EPB41L4A: variants seen among roughly 807,000 people sequenced by gnomAD.
The protein encoded by EPB41L4A is erythrocyte membrane protein band 4.1 like 4A.
A neutral mutation model predicts 108.6 loss-of-function variants in EPB41L4A; 100 were observed. That is an observed-to-expected ratio of 0.92 (90% CI 0.78 to 1.09). EPB41L4A has a LOEUF of 1.09. EPB41L4A is among the 50% of genes least tolerant of loss of function. The probability of loss-of-function intolerance (pLI) is 0.00; values close to 1 mark genes in which losing one functional copy is unlikely to be tolerated. For synonymous variants in EPB41L4A, 319 were observed against 289.0 expected (o/e 1.10, Z -1.05); for missense variants, 1,030 against 842.7 (o/e 1.22, Z -2.75).
At chr5:112,253,797 G>A (rs865931861) in intron 9 of EPB41L4A, among the ~76,000 whole-genome samples, 2 of 152,126 alleles carry the variant, frequency 1.3e-5, no homozygotes, top group South Asian at 4.1e-4. Flanking sequence ...TATGTTCTTC[G>A]TAATATTTTA....
chr5:112,376,961 T>C (rs917362833), intron 1 of EPB41L4A, among the ~76,000 whole-genome samples: 2 of 152,044 alleles, frequency 1.3e-5, no homozygotes, highest in African/African-American at 4.8e-5. Context: ...CCCAGCACTT[T>C]GGGAGGCTGA....
rs1760135690 is a variant in EPB41L4A at position 112,164,864 on chromosome 5, G to C, written c.*126C>G. On this transcript the variant is annotated 3_prime_UTR_variant, in exon 23 of 23. Transcript: ENST00000261486. The stretch of plus-strand genomic sequence containing the variant: ...AAAAAAAAAAGAAGCAAAAGATAAT[G>C]TATTTTCTCATGCTGAAGAAATACT... The C allele has an allele frequency of 1.4e-6, 1 of 731,048 alleles. No homozygotes were observed. The highest frequency in any genetic ancestry group is 2.5e-5 in the South Asian group (1 of 39,866). 45.3% of individuals were successfully genotyped at this position (731,048 alleles called of 1,614,324 possible). A position where few individuals can be genotyped will look rare whatever the true frequency, so the allele number is the denominator to read the frequency against.
chr5:112,288,261 T>C (rs1278777135), intron 2 of EPB41L4A, among the ~76,000 whole-genome samples: 1 of 152,186 alleles, frequency 6.6e-6, no homozygotes, highest in African/African-American at 2.4e-5. Flanking sequence ...GAGCAATCTG[T>C]GGGTGCTGCC....
chr5:112,375,739 TG>T (rs1216696865), intron 1 of EPB41L4A, among the ~76,000 whole-genome samples: 1 of 152,122 alleles, frequency 6.6e-6, no homozygotes, highest in Non-Finnish European at 1.5e-5. Flanking sequence ...GTTTTGGTGG[TG>T]GGAGCTCATG....
intron 4 of EPB41L4A, among the ~76,000 whole-genome samples, chr5:112,268,721 T>C (rs1010487129): frequency 6.6e-6 from 1 of 151,388 alleles, no homozygotes; most frequent in Admixed American, 6.6e-5. Context: ...TACATGCATG[T>C]AGTCACCGCT....
chr5:112,225,153 C>A (rs1748363074), intron 12 of EPB41L4A, among the ~76,000 whole-genome samples: 1 of 152,232 alleles, frequency 6.6e-6, no homozygotes. Flanking sequence ...GAACTTGCTA[C>A]ACCTGCAAAT....
At chr5:112,275,503 G>A (rs536858279) in intron 3 of EPB41L4A, 99 bp from the exon 4 acceptor site, 40 of 1,313,428 alleles carry the variant, frequency 3.0e-5, no homozygotes, top group Middle Eastern at 5.6e-4. Context: ...CTCCAAGATT[G>A]TCTAAAGAAA....
intron 20 of EPB41L4A, 85 bp downstream of exon 20, chr5:112,170,216 T>A: frequency 7.5e-7 from 1 of 1,334,028 alleles, no homozygotes; most frequent in Non-Finnish European, 1.1e-6. Context: ...ATTAAAGCAC[T>A]GTCTGGAACA....
At chr5:112,231,813 AAAAGG>A (rs1261911325) in intron 12 of EPB41L4A, among the ~76,000 whole-genome samples, 7 of 148,390 alleles carry the variant, frequency 4.7e-5, no homozygotes, top group African/African-American at 1.7e-4. Flanking sequence ...AAAAAAAAAA[AAAAGG>A]ATCCACCTGC....
intron 19 of EPB41L4A, among the ~76,000 whole-genome samples, chr5:112,170,743 A>AGG (rs1396929624): frequency 6.6e-6 from 1 of 152,150 alleles, no homozygotes; most frequent in Non-Finnish European, 1.5e-5. Context: ...ACCCAAGGTG[A>AGG]GGAGGTGTCA....
rs145020974 is a variant in EPB41L4A at position 112,215,787 on chromosome 5, CA to C, written c.1088-5806del. On this transcript the variant is annotated intron_variant, in intron 12 of 22. Coordinates refer to ENST00000261486, the MANE Select transcript of EPB41L4A (RefSeq NM_022140.5). ...CAAAAAAAAAAAAAAACAAAAAAAA[CA>C]AAAAAAAAACAGACAAAGCTTAATT... Among the ~76,000 whole-genome samples, 15 of 128,812 alleles carry C rather than the reference CA, an allele frequency of 1.2e-4. 1 individual carries two copies. Among genetic ancestry groups the C allele is most frequent in the East Asian group, 7.1e-4 (3 of 4,214 alleles). The allele number at this position is 128,812 out of a possible 152,430, so 84.5% of individuals were successfully genotyped here.
At chr5:112,194,337 C>T (rs1450749592) in intron 17 of EPB41L4A, among the ~76,000 whole-genome samples, 1 of 152,120 alleles carries the variant, frequency 6.6e-6, no homozygotes, top group Non-Finnish European at 1.5e-5. Flanking sequence ...AACACACACA[C>T]ACACACACAA....
rs897487122 is a variant in EPB41L4A, at chr5:112,163,852, G to A, written c.*1138C>T. ...GAGAATAATTGAATACATTAATATAGGAGGACAGACAAAGATCCTGAAAAG... is the reference window on the plus strand; with the variant it reads ...GAGAATAATTGAATACATTAATATAAGAGGACAGACAAAGATCCTGAAAAG... On this transcript the variant is annotated 3_prime_UTR_variant, in exon 23 of 23. Coordinates refer to ENST00000261486, the MANE Select transcript of EPB41L4A (RefSeq NM_022140.5). The A allele has an allele frequency of 1.3e-5, 2 of 152,172 alleles. No homozygotes were observed. The highest frequency in any genetic ancestry group is 6.5e-5 in the Admixed American group (1 of 15,270). 9.4% of individuals were successfully genotyped at this position (152,172 alleles called of 1,614,324 possible). A position where few individuals can be genotyped will look rare whatever the true frequency, so the allele number is the denominator to read the frequency against.
At chr5:112,195,240 C>G (rs1216936476) in intron 16 of EPB41L4A, among the ~76,000 whole-genome samples, 1 of 152,084 alleles carries the variant, frequency 6.6e-6, no homozygotes, top group Non-Finnish European at 1.5e-5. Flanking sequence ...AGGCCTCCAG[C>G]CTTTCTGCCA....
At chr5:112,333,873 G>C (rs1455638057) in intron 1 of EPB41L4A, among the ~76,000 whole-genome samples, 2 of 152,178 alleles carry the variant, frequency 1.3e-5, no homozygotes, top group African/African-American at 4.8e-5. Context: ...GAAGCAGCTA[G>C]CTCAGCACCA....
intron 1 of EPB41L4A, among the ~76,000 whole-genome samples, chr5:112,409,010 T>C (rs1017704531): frequency 2.0e-5 from 3 of 152,074 alleles, no homozygotes; most frequent in African/African-American, 7.2e-5. Flanking sequence ...AGAACATACA[T>C]CTATACAAAA....
At chr5:112,215,634 G>A (rs769409372) in intron 12 of EPB41L4A, among the ~76,000 whole-genome samples, 2 of 151,846 alleles carry the variant, frequency 1.3e-5, no homozygotes, top group Non-Finnish European at 2.9e-5. Flanking sequence ...GTGCTGGCAG[G>A]TGCCTGTGGT....
At chr5:112,215,788 A>G (rs1747598424) in intron 12 of EPB41L4A, among the ~76,000 whole-genome samples, 1 of 133,314 alleles carries the variant, frequency 7.5e-6, no homozygotes, top group South Asian at 2.3e-4. Context: ...CAAAAAAAAC[A>G]AAAAAAAAAC....
intron 1 of EPB41L4A, among the ~76,000 whole-genome samples, chr5:112,395,864 G>C (rs1407328049): frequency 6.6e-6 from 1 of 152,180 alleles, no homozygotes; most frequent in Non-Finnish European, 1.5e-5. Flanking sequence ...ATCAATGATA[G>C]ACTGGATTAA....
Sources: allele counts gnomAD v4.1 joint callset (sites outside exome capture counted in the v4.1 genomes callset), GRCh38; gene constraint gnomAD v4.1.1; transcripts MANE v1.5; gene names NCBI Gene and HGNC (gene_info 2026-07-23, HGNC 2026-07-21).